RBFOX1: variants seen among roughly 807,000 people sequenced by gnomAD.
RBFOX1 encodes RNA binding protein fox-1 homolog 1.
Under a neutral mutation model 57.7 loss-of-function variants are expected in RBFOX1, and 8 were observed. The ratio of observed to expected loss-of-function variants is 0.14; its 90% CI spans 0.08 to 0.25. The LOEUF (loss-of-function observed/expected upper bound fraction) is 0.25, where lower values mean the gene tolerates loss of function less well. RBFOX1 is among the 10% of genes least tolerant of loss of function. The pLI is 1.00. For missense variants in RBFOX1, 611 were observed against 548.5 expected (o/e 1.11, Z -1.14); for synonymous variants, 326 against 222.4 (o/e 1.47, Z -4.15).
At chr16:6,456,465 A>T (rs1033231519) in intron 2 of RBFOX1, among the ~76,000 whole-genome samples, 1 of 152,134 alleles carries the variant, frequency 6.6e-6, no homozygotes, top group African/African-American at 2.4e-5. Flanking sequence ...TTTATCATTG[A>T]TGATTGGGAA....
At chr16:5,749,542 T>G (rs1357621521) in intron 3 of RBFOX1, among the ~76,000 whole-genome samples, 1 of 152,230 alleles carries the variant, frequency 6.6e-6, no homozygotes, top group Non-Finnish European at 1.5e-5. Flanking sequence ...TAGTCCCATA[T>G]TTCTTGGAGG....
At chr16:6,926,742 C>T (rs571115574) in intron 3 of RBFOX1, among the ~76,000 whole-genome samples, 1 of 152,322 alleles carries the variant, frequency 6.6e-6, no homozygotes, top group Non-Finnish European at 1.5e-5. Context: ...AAAGAGAGCA[C>T]ACTTCTTGGA....
chr16:5,529,148 A>C (rs1340156064), intron 2 of RBFOX1, among the ~76,000 whole-genome samples: 1 of 152,088 alleles, frequency 6.6e-6, no homozygotes, highest in Admixed American at 6.5e-5. Flanking sequence ...AACTGTGTGC[A>C]AAGTACTTCA....
chr16:7,710,758 TA>T lies in RBFOX1; in HGVS notation c.*18del. ...TGCTCCATACTAAATGACAAAACCA[TA>T]AAAACCTTCCAATGTGGGGAGAAAG... On this transcript the variant is annotated 3_prime_UTR_variant, in exon 16 of 16. Coordinates refer to ENST00000550418, the MANE Select transcript of RBFOX1 (RefSeq NM_018723.4). 6.5e-7 allele frequency: 1 copy of T among 1,546,956 alleles called. No homozygotes were observed. Among genetic ancestry groups the T allele is most frequent in the Non-Finnish European group, 8.7e-7 (1 of 1,149,798 alleles).
chr16:6,875,890 T>A (rs2061750234), intron 3 of RBFOX1, among the ~76,000 whole-genome samples: 1 of 152,050 alleles, frequency 6.6e-6, no homozygotes, highest in Admixed American at 6.6e-5. Flanking sequence ...CCAGGCTACT[T>A]GAAGGGCTGA....
At chr16:5,432,680 A>C (rs2067789558) in intron 1 of RBFOX1, among the ~76,000 whole-genome samples, 1 of 151,050 alleles carries the variant, frequency 6.6e-6, no homozygotes, top group South Asian at 2.1e-4. Context: ...AAGAGGGCTG[A>C]CTGTGGGTGC....
upstream of RBFOX1, among the ~76,000 whole-genome samples, chr16:6,018,624 T>C (rs994388707): frequency 4.6e-5 from 7 of 152,100 alleles, no homozygotes; most frequent in African/African-American, 1.7e-4. Flanking sequence ...TGGAGAACTT[T>C]TTGAATCTTG....
intron 2 of RBFOX1, among the ~76,000 whole-genome samples, chr16:6,634,241 C>T (rs1244488310): frequency 1.3e-5 from 2 of 152,112 alleles, no homozygotes; most frequent in East Asian, 1.9e-4. Flanking sequence ...AAAAATATTT[C>T]TGTTACTCCT....
At chr16:7,034,012 A>T (rs576319996) in intron 3 of RBFOX1, among the ~76,000 whole-genome samples, 1 of 152,192 alleles carries the variant, frequency 6.6e-6, no homozygotes, top group East Asian at 1.9e-4. Context: ...TTCAATACTT[A>T]GTGAATACTT....
chr16:6,000,839 GGGTAGGTGGGTGGACA>G (rs1286094949), intron 4 of RBFOX1, among the ~76,000 whole-genome samples: 11 of 146,098 alleles, frequency 7.5e-5, no homozygotes, highest in Non-Finnish European at 1.2e-4. Flanking sequence ...ATGGATGGGT[GGGTAGGTGGGTGGACA>G]GGTAGGTGGG....
intron 2 of RBFOX1, among the ~76,000 whole-genome samples, chr16:6,603,790 C>G (rs1359653029): frequency 6.6e-6 from 1 of 152,104 alleles, no homozygotes; most frequent in Non-Finnish European, 1.5e-5. Flanking sequence ...CATTGGCTGC[C>G]TTTTTTATTT....
At position 6,078,178 on chromosome 16, in the gene RBFOX1, G is replaced by T. The variant is rs149296596; in HGVS notation, c.-127+58186G>T. Among the ~76,000 whole-genome samples the T allele has an allele frequency of 1.6e-3, 251 of 152,206 alleles. 1 individual carries two copies. Among genetic ancestry groups the T allele is most frequent in the African/African-American group, 5.9e-3 (243 of 41,512 alleles). On this transcript the variant is annotated intron_variant, in intron 1 of 15. Transcript: ENST00000550418. ...CATGTGGTAACATGTATGAGGAAAT[G>T]CTTTGTACATAACAAATCATGTGAA...
intron 3 of RBFOX1, among the ~76,000 whole-genome samples, chr16:6,920,421 T>C (rs1701880360): frequency 6.6e-6 from 1 of 152,214 alleles, no homozygotes; most frequent in South Asian, 2.1e-4. Context: ...CTTCCTCAGC[T>C]TATAAATGGC....
At chr16:7,567,674 TGG>T (rs1198751846) in intron 5 of RBFOX1, among the ~76,000 whole-genome samples, 8 of 139,818 alleles carry the variant, frequency 5.7e-5, no homozygotes, top group African/African-American at 2.1e-4. Flanking sequence ...TCCCTATATA[TGG>T]CCCTATATAG....
chr16:6,854,837 G>A lies in RBFOX1; in HGVS notation c.-15-197220G>A, dbSNP rs183000787. On this transcript the variant is annotated intron_variant, in intron 3 of 15. Transcript: ENST00000550418. ...TCTGCATCTCCTGACCTCGTGATCC[G>A]CCTGCCTCGGCCTCCCAAAGTGCTG... Among the ~76,000 whole-genome samples the A allele has an allele frequency of 5.2e-3, 793 of 151,992 alleles. 5 individuals are homozygous for A. The highest frequency in any genetic ancestry group is 7.4e-3 in the Non-Finnish European group (504 of 67,960).
At chr16:6,534,832 A>G (rs982273560) in intron 2 of RBFOX1, among the ~76,000 whole-genome samples, 4 of 152,162 alleles carry the variant, frequency 2.6e-5, no homozygotes, top group Non-Finnish European at 4.4e-5. Context: ...GGAACTGTAT[A>G]CTTAAGATCT....
chr16:6,431,904 TCTTTC>T (rs2094105540), intron 2 of RBFOX1, among the ~76,000 whole-genome samples: 1 of 83,488 alleles, frequency 1.2e-5, no homozygotes, highest in Admixed American at 1.2e-4. Context: ...TTGCTTTCTT[TCTTTC>T]TTTCTTTCTT....
At chr16:7,687,854 A>AT (rs759771527) in intron 14 of RBFOX1, among the ~76,000 whole-genome samples, 11 of 152,168 alleles carry the variant, frequency 7.2e-5, no homozygotes, top group South Asian at 4.2e-4. Flanking sequence ...AGAGGTATTC[A>AT]TACAGTGAGA....
intron 4 of RBFOX1, among the ~76,000 whole-genome samples, chr16:7,130,556 G>C (rs1052594893): frequency 1.3e-5 from 2 of 152,164 alleles, no homozygotes; most frequent in African/African-American, 4.8e-5. Flanking sequence ...CTGAATGATG[G>C]AGTGAAACAG....
Sources: gnomAD v4.1 joint callset for allele counts (sites outside exome capture counted in the v4.1 genomes callset) on GRCh38, gnomAD v4.1.1 for gene constraint, MANE v1.5 for transcripts, NCBI Gene and HGNC (gene_info 2026-07-23, HGNC 2026-07-21) for gene names.